Variants in GRM7 observed in about 807,000 individuals in gnomAD.
The protein encoded by GRM7 is glutamate metabotropic receptor 7.
GRM7 carries 35 observed loss-of-function variants against 84.5 expected under a neutral mutation model. That is an observed-to-expected ratio of 0.41 (90% confidence interval 0.32 to 0.55). The LOEUF is 0.55. Among genes scored for constraint, GRM7 ranks in the 20% least tolerant of loss-of-function variants. The pLI, the probability that GRM7 is intolerant of heterozygous loss-of-function variation, is 0.19. For synonymous variants in GRM7, 487 were observed against 455.1 expected, an observed-to-expected ratio of 1.07 and a Z score of -0.89; for missense variants, 1,003 against 1,194.6, an observed-to-expected ratio of 0.84 and a Z score of 2.36.
At chr3:7,447,474 A>C (rs1465287072) in intron 5 of GRM7, among the ~76,000 whole-genome samples, 1 of 152,142 alleles carries the variant, frequency 6.6e-6, no homozygotes, top group Non-Finnish European at 1.5e-5. Flanking sequence ...TGGGTGAACC[A>C]TTTCATGTAT....
intron 1 of GRM7, among the ~76,000 whole-genome samples, chr3:6,945,511 C>T (rs933065665): frequency 2.6e-5 from 4 of 151,926 alleles, no homozygotes; most frequent in Non-Finnish European, 4.4e-5. Flanking sequence ...TGAATAGTGC[C>T]GCAATAAACA....
At chr3:7,678,814 C>T (rs971610267) in intron 8 of GRM7, among the ~76,000 whole-genome samples, 1 of 152,152 alleles carries the variant, frequency 6.6e-6, no homozygotes, top group Non-Finnish European at 1.5e-5. Context: ...CAGAAATGTC[C>T]AGGCAGCCAA....
Position 7,432,198 on chromosome 3 carries a change from A to G in GRM7, c.1174+17035A>G, listed in dbSNP as rs1019167195. ...TTTAGGCCTGAGTCAAAAATTTTAA[A>G]TTAAAATTAATCAACCCTTATTACC... On this transcript the variant is annotated intron_variant, in intron 5 of 9. Transcript: ENST00000357716. Among the ~76,000 whole-genome samples the G allele has an allele frequency of 3.9e-5, 6 of 152,254 alleles. No individual in the cohort carries two copies. In the East Asian group the frequency reaches 1.2e-3, roughly 29 times the overall value.
In GRM7 at chr3:6,861,890, A is replaced by G; in HGVS notation, c.502A>G (p.Ile168Val). 1.9e-6 allele frequency: 3 copies of G among 1,610,556 alleles called. No individual in the cohort carries two copies. Among genetic ancestry groups the G allele is most frequent in the Non-Finnish European group, 2.5e-6 (3 of 1,177,328 alleles). Residue 168 changes from isoleucine (I) to valine (V), a missense_variant, in exon 1 of 10, where the codon ATC becomes GTC. Ile to Val is a conservative substitution (Grantham distance 29, BLOSUM62 3). Around this residue, in one of 2 missense-constraint regions of GRM7, gnomAD observed 910 missense variants for 1,126.0 expected, o/e 0.81. Transcript: ENST00000357716. This position sits in a 1 kb window ranked among gnomAD's most constrained non-coding sequence, Gnocchi z 6.4. Reference protein sequence around the residue: ...GSSVSIMVANILRLFQIPQIS... With the variant: ...GSSVSIMVANVLRLFQIPQIS... The stretch of plus-strand genomic sequence containing the variant: ...TTCGGTCTCCATCATGGTAGCCAAC[A>G]TCCTGAGGCTCTTCCAGGTAGGGAT...
At chr3:6,879,819 G>A (rs1363209826) in intron 1 of GRM7, among the ~76,000 whole-genome samples, 1 of 152,170 alleles carries the variant, frequency 6.6e-6, no homozygotes, top group Non-Finnish European at 1.5e-5. Context: ...CTTTCCTCAT[G>A]TAACAGTTTG....
At chr3:7,361,342 A>G (rs749986072) in intron 4 of GRM7, among the ~76,000 whole-genome samples, 6 of 152,138 alleles carry the variant, frequency 3.9e-5, no homozygotes, top group Admixed American at 2.0e-4. Flanking sequence ...GCAAAAAAGA[A>G]CAAAGCAAGT....
intron 1 of GRM7, among the ~76,000 whole-genome samples, chr3:7,019,677 T>C (rs376393986): frequency 2.6e-5 from 4 of 152,320 alleles, no homozygotes; most frequent in Admixed American, 6.5e-5. Context: ...AAGCCAGTCA[T>C]GTGATTATGA....
At chr3:7,114,622 T>C (rs992016806) in intron 1 of GRM7, among the ~76,000 whole-genome samples, 1 of 152,140 alleles carries the variant, frequency 6.6e-6, no homozygotes, top group East Asian at 1.9e-4. Flanking sequence ...ACAGGTCCAA[T>C]TGAGAAAACT....
At position 7,695,548 on chromosome 3, in the gene GRM7, T is replaced by C. The variant is rs162776; in HGVS notation, c.2698+15253T>C. ...TGGTCAGGATAGTCTTCCATAACTG[T>C]TGCTGTTAATAAATCAGCCATGATC... On this transcript the variant is annotated intron_variant, in intron 9 of 9. Transcript: ENST00000357716. 4.4e-3 allele frequency among the ~76,000 whole-genome samples: 666 copies of C among 152,320 alleles called. 5 individuals carry two copies. Among genetic ancestry groups the C allele is most frequent in the Middle Eastern group, 6.8e-3 (2 of 294 alleles).
intron 2 of GRM7, among the ~76,000 whole-genome samples, chr3:7,217,563 T>G (rs1386061639): frequency 6.6e-6 from 1 of 151,944 alleles, no homozygotes; most frequent in Non-Finnish European, 1.5e-5. Context: ...CCTAAAATTC[T>G]TTTTTCATGT....
At chr3:7,180,866 A>G (rs988351060) in intron 2 of GRM7, among the ~76,000 whole-genome samples, 7 of 152,160 alleles carry the variant, frequency 4.6e-5, no homozygotes, top group South Asian at 2.1e-4. Context: ...CTTCTATCAT[A>G]GTTTGCAACC....
chr3:7,536,828 T>A (rs911122192), intron 7 of GRM7, among the ~76,000 whole-genome samples: 7 of 152,178 alleles, frequency 4.6e-5, no homozygotes, highest in Admixed American at 4.6e-4. Flanking sequence ...ATGAGAGAAT[T>A]TGAGATAGAA....
At chr3:7,221,916 C>T (rs911036236) in intron 2 of GRM7, among the ~76,000 whole-genome samples, 11 of 150,686 alleles carry the variant, frequency 7.3e-5, no homozygotes, top group Admixed American at 1.3e-4. Context: ...AAGCAATTCT[C>T]CTGGCTCAGC....
intron 5 of GRM7, among the ~76,000 whole-genome samples, chr3:7,431,422 G>A (rs543732827): frequency 6.6e-6 from 1 of 152,090 alleles, no homozygotes; most frequent in South Asian, 2.1e-4. Flanking sequence ...GGAGATTTCT[G>A]GGGGATGAAA....
chr3:7,115,426 C>T (rs1692998062), intron 1 of GRM7, among the ~76,000 whole-genome samples: 1 of 152,034 alleles, frequency 6.6e-6, no homozygotes, highest in South Asian at 2.1e-4. Context: ...TTCTCAAATC[C>T]CCCTTTTCCT....
chr3:7,559,387 C>T (rs1693911974), intron 7 of GRM7: 1 of 152,058 alleles, frequency 6.6e-6, no homozygotes, highest in Non-Finnish European at 1.5e-5. Flanking sequence ...TCTACTATTG[C>T]TGCCTCTAGG....
intron 4 of GRM7, among the ~76,000 whole-genome samples, chr3:7,393,454 G>T (rs960614266): frequency 6.6e-6 from 1 of 152,174 alleles, no homozygotes; most frequent in Non-Finnish European, 1.5e-5. Context: ...CTGTTTCCCT[G>T]TGTCCAGGGG....
chr3:7,397,502 G>C (rs571689988), intron 4 of GRM7, among the ~76,000 whole-genome samples: 1 of 152,102 alleles, frequency 6.6e-6, no homozygotes, highest in Non-Finnish European at 1.5e-5. Flanking sequence ...ATAATAGAGT[G>C]ACTATAGTTA....
intron 4 of GRM7, among the ~76,000 whole-genome samples, chr3:7,406,784 T>C (rs575076811): frequency 6.6e-6 from 1 of 152,344 alleles, no homozygotes; most frequent in Non-Finnish European, 1.5e-5. Context: ...CAAAAATGCA[T>C]ATCCTTTTTC....
Sources: allele counts gnomAD v4.1 joint callset (sites outside exome capture counted in the v4.1 genomes callset), GRCh38; gene constraint gnomAD v4.1.1; regional missense constraint gnomAD v4.1.1; non-coding constraint Gnocchi (gnomAD v3.1); transcripts MANE v1.5; gene names NCBI Gene and HGNC (gene_info 2026-07-23, HGNC 2026-07-21).